ANO5: variants seen among roughly 807,000 people sequenced by gnomAD.
ANO5 encodes anoctamin-5.
A neutral mutation model predicts 121.0 loss-of-function variants in ANO5; 109 were observed. The ratio of observed to expected loss-of-function variants is 0.90; its 90% CI spans 0.77 to 1.06. The LOEUF is 1.06. ANO5 is among the 50% of genes least tolerant of loss of function. The probability of loss-of-function intolerance (pLI) is 0.00; values close to 1 mark genes in which losing one functional copy is unlikely to be tolerated. For synonymous variants in ANO5, 406 were observed against 359.9 expected (o/e 1.13, Z -1.45); for missense variants, 1,064 against 1,078.5 (o/e 0.99, Z 0.19).
intron 5 of ANO5, among the ~76,000 whole-genome samples, chr11:22,222,561 A>T (rs1852688404): frequency 6.6e-6 from 1 of 151,878 alleles, no homozygotes; most frequent in African/African-American, 2.4e-5. Context: ...ACCAGATAAG[A>T]TGCAATCGTC....
chr11:22,262,281 G>A lies in ANO5; in HGVS notation c.1783G>A (p.Glu595Lys), dbSNP rs1460474897. ...YPGKYTYLFNEWRSEECDPGG... is the reference protein window; with the variant it reads ...YPGKYTYLFNKWRSEECDPGG... ...TGGAAAATACACATATTTATTTAATGAGTGGAGAAGTGAAGAGGTAAGAAT... is the reference window on the plus strand; with the variant it reads ...TGGAAAATACACATATTTATTTAATAAGTGGAGAAGTGAAGAGGTAAGAAT... The change falls in exon 16 of 22, where the codon GAG becomes AAG. Residue 595 changes from glutamate to lysine, a missense_variant. By Grantham distance (56) the Glu-to-Lys change is moderately conservative. Transcript: ENST00000324559. 6.2e-7 allele frequency: 1 copy of A among 1,613,552 alleles called. No individual in the cohort carries two copies. The highest frequency in any genetic ancestry group is 8.5e-7 in the Non-Finnish European group (1 of 1,179,872).
At position 22,239,676 on chromosome 11, in the gene ANO5, C is replaced by A. The variant is rs1486471978; in HGVS notation, c.870C>A (p.Asp290Glu). Reference sequence around the variant, plus strand: ...ATTTCTACAAGGAGCAGCCTTTAGACTTGATTAAGTAAGTTTCATACACAG... The same window carrying A: ...ATTTCTACAAGGAGCAGCCTTTAGAATTGATTAAGTAAGTTTCATACACAG... ...FSYFYKEQPLDLIKNYYGEKI... is the reference protein window; with the variant it reads ...FSYFYKEQPLELIKNYYGEKI... Residue 290 changes from aspartate to glutamate, a missense_variant, in exon 9 of 22, where the codon GAC (aspartate) becomes GAA (glutamate). Transcript: ENST00000324559. 5.0e-6 allele frequency: 8 copies of A among 1,597,482 alleles called. No homozygotes were observed. In the East Asian group the frequency reaches 1.8e-4, roughly 36 times the overall value.
chr11:22,230,483 TC>T (rs1853003212), intron 7 of ANO5, among the ~76,000 whole-genome samples: 1 of 152,070 alleles, frequency 6.6e-6, no homozygotes, highest in Non-Finnish European at 1.5e-5. Flanking sequence ...GTGTACTTCA[TC>T]CCAACACAGT....
intron 1 of ANO5, among the ~76,000 whole-genome samples, chr11:22,197,899 C>CA (rs1187097561): frequency 6.6e-6 from 1 of 152,186 alleles, no homozygotes; most frequent in Non-Finnish European, 1.5e-5. Flanking sequence ...AAGAAGCTGA[C>CA]AGAGTTGTTG....
At chr11:22,279,436 C>T (rs1854990784) in intron 21 of ANO5, 108 bp from the exon 22 acceptor site, 5 of 917,322 alleles carry the variant, frequency 5.5e-6, no homozygotes, top group Admixed American at 4.0e-5. Context: ...GCCTTTCTAC[C>T]TCATATGTTG....
intron 15 of ANO5, chr11:22,261,737 A>T (rs1854194658): frequency 8.9e-6 from 2 of 225,966 alleles, no homozygotes; most frequent in African/African-American, 4.7e-5. Context: ...GGGGGAAACC[A>T]CACCCATGAT....
chr11:22,209,691 A>G (rs1262573158), intron 2 of ANO5, among the ~76,000 whole-genome samples: 2 of 151,938 alleles, frequency 1.3e-5, no homozygotes, highest in Admixed American at 1.3e-4. Flanking sequence ...AAATGAGACA[A>G]TGACATACTC....
intron 1 of ANO5, among the ~76,000 whole-genome samples, chr11:22,200,968 C>T (rs1397987376): frequency 1.3e-5 from 2 of 152,070 alleles, no homozygotes; most frequent in Non-Finnish European, 2.9e-5. Flanking sequence ...GGATACCCCA[C>T]TGGTACCAAA....
rs987582396 is a variant in ANO5, at chr11:22,213,475, T to C, written c.138+2161T>C. On this transcript the variant is annotated intron_variant, in intron 3 of 21. Transcript: ENST00000324559. ...TTTATGATTAGACTTGGATTATATG[T>C]TTTTGGAGGAAGATAATAGAAGTGT... Among the ~76,000 whole-genome samples, 6 of 151,968 alleles carry C rather than the reference T, an allele frequency of 3.9e-5. No individual in the cohort carries two copies. The East Asian group carries it at 1.2e-3, about 30-fold the overall frequency.
At chr11:22,261,523 G>C (rs1432204414) in intron 15 of ANO5, 1 of 152,972 alleles carries the variant, frequency 6.5e-6, no homozygotes, top group African/African-American at 2.4e-5. Context: ...AAATTAGCCA[G>C]GTGTGGTGGT....
intron 5 of ANO5, among the ~76,000 whole-genome samples, chr11:22,223,001 A>G (rs1288919231): frequency 6.6e-6 from 1 of 152,026 alleles, no homozygotes; most frequent in Non-Finnish European, 1.5e-5. Context: ...GAGAAAACCT[A>G]TAAATTTCTA....
At chr11:22,237,899 A>G (rs1391708919) in intron 8 of ANO5, among the ~76,000 whole-genome samples, 1 of 152,184 alleles carries the variant, frequency 6.6e-6, no homozygotes, top group East Asian at 1.9e-4. Flanking sequence ...AGTTCATTAT[A>G]TAAAATGTAG....
At chr11:22,237,831 AG>A (rs1054919245) in intron 8 of ANO5, among the ~76,000 whole-genome samples, 3 of 152,094 alleles carry the variant, frequency 2.0e-5, no homozygotes, top group African/African-American at 7.2e-5. Flanking sequence ...ACATCCACTG[AG>A]GGTTGGTTCC....
intron 7 of ANO5, among the ~76,000 whole-genome samples, chr11:22,231,843 C>G (rs1853051187): frequency 6.6e-6 from 1 of 151,928 alleles, no homozygotes; most frequent in Admixed American, 6.6e-5. Flanking sequence ...GGTTTTCCAC[C>G]TACATACCTT....
At chr11:22,262,449 TC>T (rs1854221211) in intron 16 of ANO5, 151 bp downstream of exon 16, 1 of 826,350 alleles carries the variant, frequency 1.2e-6, no homozygotes, top group South Asian at 1.8e-5. Context: ...CACAGATGAA[TC>T]CTGTCATTTG....
rs1335126943 is a variant in ANO5, at chr11:22,250,372, G to A, written c.1013+1G>A. 3 of 1,613,444 alleles carry A rather than the reference G, an allele frequency of 1.9e-6. No individual in the cohort carries two copies. The highest frequency in any genetic ancestry group is 1.3e-5 in the African/African-American group (1 of 75,024). ...TATCAATGGAACATAACACAAGCAG[G>A]TAAGTGCACCTGAGTTGCCCAGATA... On this transcript the variant is annotated splice_donor_variant, in intron 10 of 21. Transcript: ENST00000324559. LOFTEE classifies it high-confidence loss of function.
At chr11:22,199,386 T>C (rs1357681152) in intron 1 of ANO5, among the ~76,000 whole-genome samples, 1 of 152,160 alleles carries the variant, frequency 6.6e-6, no homozygotes, top group Non-Finnish European at 1.5e-5. Flanking sequence ...ACTCTTGCAA[T>C]GGATGCTAGG....
At chr11:22,269,469 AAAAAG>A (rs1208116065) in intron 17 of ANO5, among the ~76,000 whole-genome samples, 3 of 92,124 alleles carry the variant, frequency 3.3e-5, no homozygotes, top group African/African-American at 1.3e-4. Flanking sequence ...AGGAAGGAGA[AAAAAG>A]AAAAGAAAGG....
At chr11:22,250,058 T>G (rs1435313921) in intron 9 of ANO5, among the ~76,000 whole-genome samples, 179 bp from the exon 10 acceptor site, 1 of 152,148 alleles carries the variant, frequency 6.6e-6, no homozygotes, top group Non-Finnish European at 1.5e-5. Context: ...CCATCTTGTG[T>G]TAAAACATGA....
Sources: gnomAD v4.1 joint callset for allele counts (sites outside exome capture counted in the v4.1 genomes callset) on GRCh38, gnomAD v4.1.1 for gene constraint, MANE v1.5 for transcripts, NCBI Gene and HGNC (gene_info 2026-07-23, HGNC 2026-07-21) for gene names.